ESYT2: variants seen among roughly 807,000 people sequenced by gnomAD.
The protein encoded by ESYT2 is extended synaptotagmin 2.
In ESYT2, 54 loss-of-function variants were observed where a neutral mutation model predicts 107.2. That is an observed-to-expected ratio of 0.50 (90% CI 0.40 to 0.63). ESYT2 has a LOEUF of 0.63. ESYT2 is among the 30% of genes least tolerant of loss of function. ESYT2 has a pLI of 0.00. For synonymous variants in ESYT2, 491 were observed against 434.1 expected, an observed-to-expected ratio of 1.13 and a Z score of -1.63; for missense variants, 1,020 against 1,094.5, an observed-to-expected ratio of 0.93 and a Z score of 0.96.
chr7:158,763,593 C>A (rs1313660868), intron 9 of ESYT2, among the ~76,000 whole-genome samples: 1 of 152,146 alleles, frequency 6.6e-6, no homozygotes, highest in African/African-American at 2.4e-5. Context: ...CCGCACCCAG[C>A]CAGTAAATTC....
intron 7 of ESYT2, among the ~76,000 whole-genome samples, chr7:158,769,903 T>C: frequency 6.6e-6 from 1 of 151,332 alleles, no homozygotes; most frequent in South Asian, 2.1e-4. Context: ...AAGTTCATGG[T>C]TATTTATTTA....
chr7:158,738,999 G>A (rs1291797131), intron 19 of ESYT2, 24 bp downstream of exon 19: 1 of 1,606,016 alleles, frequency 6.2e-7, no homozygotes, highest in Non-Finnish European at 8.5e-7. Flanking sequence ...CACAGCAGCG[G>A]GCGCGTGGGA....
chr7:158,734,315 G>T, intron 22 of ESYT2, 63 bp from the exon 23 acceptor site: 1 of 1,612,758 alleles, frequency 6.2e-7, no homozygotes. Context: ...AAGCCTATCA[G>T]ATACGTGTCG....
At chr7:158,784,408 C>G (rs1324824954) in intron 6 of ESYT2, among the ~76,000 whole-genome samples, 1 of 152,206 alleles carries the variant, frequency 6.6e-6, no homozygotes, top group Admixed American at 6.5e-5. Flanking sequence ...TCTGACCCAG[C>G]TGGAATGGCT....
chr7:158,790,436 C>G (rs1839250608), intron 4 of ESYT2, among the ~76,000 whole-genome samples: 1 of 148,372 alleles, frequency 6.7e-6, no homozygotes, highest in African/African-American at 2.4e-5. Flanking sequence ...TGAGCAAGCT[C>G]AAGGAAGAAT....
At chr7:158,794,607 G>A (rs1839406558) in intron 3 of ESYT2, among the ~76,000 whole-genome samples, 1 of 151,930 alleles carries the variant, frequency 6.6e-6, no homozygotes, top group African/African-American at 2.4e-5. Flanking sequence ...CCTGAGTGGA[G>A]ACCCCCATCT....
At chr7:158,753,599 A>ATTTT (rs775077906) in intron 13 of ESYT2, among the ~76,000 whole-genome samples, 6 of 132,824 alleles carry the variant, frequency 4.5e-5, no homozygotes, top group African/African-American at 8.5e-5. Flanking sequence ...TAAATGTTTA[A>ATTTT]TTTTTTTTTT....
chr7:158,821,545 G>GC (rs1273103751), intron 1 of ESYT2, among the ~76,000 whole-genome samples: 1 of 152,192 alleles, frequency 6.6e-6, no homozygotes, highest in South Asian at 2.1e-4. Context: ...TGTCTTAAAA[G>GC]CACGACAGTA....
intron 16 of ESYT2, among the ~76,000 whole-genome samples, chr7:158,746,924 T>C (rs1837420844): frequency 6.6e-6 from 1 of 152,166 alleles, no homozygotes; most frequent in Non-Finnish European, 1.5e-5. Flanking sequence ...TGGTGGTGTC[T>C]GCCTGTAGTC....
At chr7:158,734,289 C>T (rs1209139903) in intron 22 of ESYT2, 37 bp from the exon 23 acceptor site, 2 of 1,613,900 alleles carry the variant, frequency 1.2e-6, no homozygotes, top group Non-Finnish European at 1.7e-6. Context: ...GTGACGGATA[C>T]AGGACCAAGT....
chr7:158,754,737 G>A (rs909544166), intron 13 of ESYT2, among the ~76,000 whole-genome samples: 3 of 152,122 alleles, frequency 2.0e-5, no homozygotes, highest in African/African-American at 7.2e-5. Context: ...GACAAGAGGC[G>A]CCAAGCACCC....
At chr7:158,766,257 C>A (rs1160987140) in intron 8 of ESYT2, among the ~76,000 whole-genome samples, 2 of 152,138 alleles carry the variant, frequency 1.3e-5, no homozygotes, top group Non-Finnish European at 2.9e-5. Flanking sequence ...TTGGAAAACT[C>A]GAAGCAGCTC....
intron 17 of ESYT2, 110 bp from the exon 18 acceptor site, chr7:158,742,006 CAAA>C: frequency 2.3e-6 from 3 of 1,304,602 alleles, no homozygotes; most frequent in Non-Finnish European, 3.1e-6. Flanking sequence ...AAACTTAGCT[CAAA>C]AAAAAATTTT....
intron 6 of ESYT2, among the ~76,000 whole-genome samples, chr7:158,782,166 CAG>C (rs1273893255): frequency 1.3e-5 from 2 of 148,264 alleles, no homozygotes; most frequent in Non-Finnish European, 3.0e-5. Context: ...AGTGTGAGAA[CAG>C]TGAGGTGTGA....
chr7:158,734,460 A>G lies in ESYT2; in HGVS notation c.2517T>C (p.Ala839=), dbSNP rs779860509. 4 of 1,613,888 alleles carry G rather than the reference A, an allele frequency of 2.5e-6. No homozygotes were observed. The South Asian group carries it at 3.3e-5, about 13-fold the overall frequency. The change falls in exon 22 of 23, where the codon GCT becomes GCC. Residue 839 remains alanine, a synonymous_variant. Transcript: ENST00000275418. ...CTTTGGCAAGTTCTTCAGATGCCAG[A>G]GCAACCAATACCTGTGGGTTGTTAA... ...DKGLLGKVLV[A]LASEELAKGW... is the part of the protein sequence containing the mutation.
At chr7:158,758,789 G>A (rs1837856188) in intron 13 of ESYT2, among the ~76,000 whole-genome samples, 2 of 152,212 alleles carry the variant, frequency 1.3e-5, no homozygotes, top group Admixed American at 1.3e-4. Context: ...AAGGTAGGAT[G>A]ACGGGAGAGC....
Position 158,798,004 on chromosome 7 carries a change from C to G in ESYT2, c.445G>C (p.Val149Leu), listed in dbSNP as rs145150831. Residue 149 changes from valine to leucine, a missense_variant, in exon 3 of 23, where the codon GTG (valine) becomes CTG (leucine). Val to Leu is a conservative substitution (Grantham distance 32). Coordinates refer to ENST00000275418, the MANE Select transcript of ESYT2 (RefSeq NM_001367773.1). ...KLFRETIEPA[V>L]RGANTHLSTF... ...CTAAGGTGGGTGTTTGCTCCCCGCACGGCTGGTTCTATAGTTTCTCGAAAC... is the reference window on the plus strand; with the variant it reads ...CTAAGGTGGGTGTTTGCTCCCCGCAGGGCTGGTTCTATAGTTTCTCGAAAC... 355 of 1,614,020 alleles carry G rather than the reference C, an allele frequency of 2.2e-4. No individual in the cohort carries two copies. Among genetic ancestry groups the G allele is most frequent in the Non-Finnish European group, 2.7e-4 (314 of 1,180,014 alleles).
In ESYT2 at chr7:158,734,059, T is replaced by G. The variant is rs1836831945; in HGVS notation, c.*148A>C. The G allele has an allele frequency of 9.8e-7, 1 of 1,024,660 alleles. No homozygotes were observed. The highest frequency in any genetic ancestry group is 1.4e-6 in the Non-Finnish European group (1 of 716,730). The allele number at this position is 1,024,660 out of a possible 1,614,324, so 63.5% of individuals were successfully genotyped here. ...AATGATAATATTGGCCAAATTTGCC[T>G]GAAATGTCAACAATTTTATAAAACT... On this transcript the variant is annotated 3_prime_UTR_variant, in exon 23 of 23. Coordinates refer to ENST00000275418, the MANE Select transcript of ESYT2 (RefSeq NM_001367773.1).
At chr7:158,792,800 G>A (rs1378427053) in intron 4 of ESYT2, among the ~76,000 whole-genome samples, 2 of 124,672 alleles carry the variant, frequency 1.6e-5, no homozygotes, top group African/African-American at 3.1e-5. Flanking sequence ...ATGGAGTCTC[G>A]CTCTGTCCCC....
Sources: allele counts gnomAD v4.1 joint callset (sites outside exome capture counted in the v4.1 genomes callset), GRCh38; gene constraint gnomAD v4.1.1; transcripts MANE v1.5; gene names NCBI Gene and HGNC (gene_info 2026-07-23, HGNC 2026-07-21).